Variants in NFIA observed in about 807,000 individuals in gnomAD.
NFIA encodes the protein nuclear factor 1 A-type.
NFIA carries 8 observed loss-of-function variants against 62.8 expected under a neutral mutation model. That is an observed-to-expected ratio of 0.13 (90% CI 0.07 to 0.23). NFIA has a LOEUF of 0.23. Ranked by LOEUF, NFIA falls within the 10% of genes least tolerant of loss-of-function variation. The pLI, the probability that NFIA is intolerant of heterozygous loss-of-function variation, is 1.00. For synonymous variants in NFIA, 235 were observed against 238.1 expected, an observed-to-expected ratio of 0.99 and a Z score of 0.12; for missense variants, 410 against 642.1, an observed-to-expected ratio of 0.64 and a Z score of 3.91.
chr1:61,127,533 G>T (rs1646997326), intron 2 of NFIA, among the ~76,000 whole-genome samples: 2 of 151,902 alleles, frequency 1.3e-5, no homozygotes, highest in South Asian at 2.1e-4. Flanking sequence ...TAACCTCTTT[G>T]AGGAGAGCTC....
In NFIA at chr1:61,402,388, A is replaced by AC. The variant is rs376461598; in HGVS notation, c.1076-1714dup. Among the ~76,000 whole-genome samples the AC allele has an allele frequency of 2.2e-4, 34 of 152,192 alleles. 1 individual carries two copies. In the East Asian group the frequency reaches 6.6e-3, roughly 29 times the overall value. ...CCCTGGCTCTTGACCAGGTGGAGAA[A>AC]CCAAGTTTTGGTTTTAGCAAATTTT... On this transcript the variant is annotated intron_variant, in intron 7 of 10. Coordinates refer to ENST00000403491, the MANE Select transcript of NFIA (RefSeq NM_001134673.4).
At chr1:61,318,644 C>T (rs1350640114) in intron 3 of NFIA, among the ~76,000 whole-genome samples, 1 of 152,172 alleles carries the variant, frequency 6.6e-6, no homozygotes, top group Non-Finnish European at 1.5e-5. Flanking sequence ...AATTTTGAAA[C>T]AGCAAATGGA....
chr1:61,093,936 G>A (rs1646367534), intron 2 of NFIA, among the ~76,000 whole-genome samples: 3 of 152,226 alleles, frequency 2.0e-5, no homozygotes, highest in Admixed American at 2.0e-4. Context: ...GTAGGACTGG[G>A]TGTTTCATTT....
intron 3 of NFIA, among the ~76,000 whole-genome samples, chr1:61,289,373 A>G (rs943138068): frequency 4.6e-5 from 7 of 152,178 alleles, no homozygotes; most frequent in South Asian, 2.1e-4. Context: ...TCATCTTAAT[A>G]TAATCCTATG....
chr1:61,243,764 G>GTCTA (rs779576063), intron 2 of NFIA, among the ~76,000 whole-genome samples: 3 of 152,242 alleles, frequency 2.0e-5, no homozygotes, highest in Non-Finnish European at 4.4e-5. Context: ...TGTTTACGTA[G>GTCTA]GTAGAATAAG....
Position 61,406,543 on chromosome 1 carries a change from G to GGGGCCCCC in NFIA, c.1255-19_1255-18insGGGCCCCC. ...TCTTTTTCTTGTACGTGTGTTTTCT[G>GGGGCCCCC]CCCCCCCCCCCCCCACAGCCCAATG... On this transcript the variant is annotated intron_variant, in intron 8 of 10. Transcript: ENST00000403491. The GGGGCCCCC allele has an allele frequency of 8.0e-6, 7 of 876,644 alleles. No individual in the cohort carries two copies. Among genetic ancestry groups the GGGGCCCCC allele is most frequent in the Non-Finnish European group, 1.1e-5 (7 of 653,736 alleles). 54.3% of individuals were successfully genotyped at this position (876,644 alleles called of 1,614,324 possible). A position where few individuals can be genotyped will look rare whatever the true frequency, so the allele number is the denominator to read the frequency against.
intron 7 of NFIA, among the ~76,000 whole-genome samples, chr1:61,396,808 T>C (rs1665292347): frequency 6.6e-6 from 1 of 151,938 alleles, no homozygotes; most frequent in African/African-American, 2.4e-5. Flanking sequence ...AAGACCACGC[T>C]GGGCAACGTG....
intron 3 of NFIA, among the ~76,000 whole-genome samples, chr1:61,300,040 T>C (rs938767108): frequency 1.5e-4 from 23 of 152,140 alleles, no homozygotes; most frequent in Non-Finnish European, 2.9e-4. Flanking sequence ...AAAAAACTCA[T>C]CCATGAGCTG....
At position 61,404,295 on chromosome 1, in the gene NFIA, CT is replaced by C. The variant is rs1665714626; in HGVS notation, c.1254+20del. 1.9e-6 allele frequency: 3 copies of C among 1,586,102 alleles called. No homozygotes were observed. Among genetic ancestry groups the C allele is most frequent in the Middle Eastern group, 1.7e-4 (1 of 5,874 alleles). On this transcript the variant is annotated intron_variant, in intron 8 of 10. Transcript: ENST00000403491. ...GGGGTTCCTCAATGTAAGGAAACCT[CT>C]TTTTTTCCATTTCTTTAGAAATGTT...
At chr1:61,153,116 G>A (rs1337392132) in intron 2 of NFIA, among the ~76,000 whole-genome samples, 2 of 152,246 alleles carry the variant, frequency 1.3e-5, no homozygotes, top group Admixed American at 6.5e-5. Context: ...AAACGAGTGT[G>A]TTGAGTTCAG....
chr1:61,460,765 C>G lies in NFIA; in HGVS notation c.*5445C>G, dbSNP rs960455040. On this transcript the variant is annotated 3_prime_UTR_variant, in exon 11 of 11. Transcript: ENST00000403491. ...GCCTTCGCTGTCTGTCAGTCAGGAC[C>G]TTCTGGTATAGGTGATGTAAAATAA... 2.6e-5 allele frequency: 4 copies of G among 152,298 alleles called. No homozygotes were observed. In the East Asian group the frequency reaches 5.8e-4, roughly 22 times the overall value. 9.4% of individuals were successfully genotyped at this position (152,298 alleles called of 1,614,324 possible).
intron 2 of NFIA, among the ~76,000 whole-genome samples, chr1:61,216,209 C>A (rs1428442062): frequency 1.3e-5 from 2 of 152,144 alleles, no homozygotes; most frequent in African/African-American, 4.8e-5. Context: ...TCTGGAAGGG[C>A]TGTAAGGTTT....
chr1:61,122,798 T>C (rs1646908488), intron 2 of NFIA, among the ~76,000 whole-genome samples: 1 of 152,174 alleles, frequency 6.6e-6, no homozygotes, highest in Non-Finnish European at 1.5e-5. Context: ...CTGGAGTACG[T>C]GTGAAGGATG....
At chr1:61,139,518 A>G (rs943778695) in intron 2 of NFIA, among the ~76,000 whole-genome samples, 4 of 152,190 alleles carry the variant, frequency 2.6e-5, no homozygotes, top group Admixed American at 2.6e-4. Context: ...GAAAGTAGAG[A>G]AAGAAGGTAA....
intron 2 of NFIA, among the ~76,000 whole-genome samples, chr1:61,243,813 A>G (rs905421175): frequency 6.6e-6 from 1 of 152,220 alleles, no homozygotes; most frequent in Non-Finnish European, 1.5e-5. Context: ...ATTCTTGCTT[A>G]TATGAAAAAG....
intron 2 of NFIA, among the ~76,000 whole-genome samples, chr1:61,168,990 C>G (rs1419810743): frequency 6.6e-6 from 1 of 152,148 alleles, no homozygotes; most frequent in East Asian, 1.9e-4. Flanking sequence ...AAGAACAAAC[C>G]TGTGAAACTT....
chr1:61,406,550 C>CCG lies in NFIA; in HGVS notation c.1255-11_1255-10insGC. ...CTTGTACGTGTGTTTTCTGCCCCCC[C>CCG]CCCCCCCACAGCCCAATGGGAGCAG... On this transcript the variant is annotated splice_polypyrimidine_tract_variant and intron_variant, in intron 8 of 10. Transcript: ENST00000403491. 9.0e-7 allele frequency: 1 copy of CCG among 1,113,338 alleles called. No homozygotes were observed. The highest frequency in any genetic ancestry group is 1.2e-6 in the Non-Finnish European group (1 of 817,870). The allele number at this position is 1,113,338 out of a possible 1,614,324, so 69.0% of individuals were successfully genotyped here. A position where few individuals can be genotyped will look rare whatever the true frequency, so the allele number is the denominator to read the frequency against.
chr1:61,276,882 G>A (rs369293208), intron 2 of NFIA, among the ~76,000 whole-genome samples: 147 of 152,096 alleles, frequency 9.7e-4, no homozygotes, highest in African/African-American at 3.5e-3. Context: ...AGTCCTTTTA[G>A]GATCTCCCAA....
chr1:61,252,255 T>C (rs1384542869), intron 2 of NFIA, among the ~76,000 whole-genome samples: 2 of 152,200 alleles, frequency 1.3e-5, no homozygotes, highest in Non-Finnish European at 2.9e-5. Flanking sequence ...CTTTGGCATG[T>C]TGAATTTTCA....
Sources: gnomAD v4.1 joint callset for allele counts (sites outside exome capture counted in the v4.1 genomes callset) on GRCh38, gnomAD v4.1.1 for gene constraint, MANE v1.5 for transcripts, NCBI Gene and HGNC (gene_info 2026-07-23, HGNC 2026-07-21) for gene names.